UTS2: variants seen among roughly 807,000 people sequenced by gnomAD.
The protein encoded by UTS2 is urotensin-2.
In UTS2, 10 loss-of-function variants were observed where a neutral mutation model predicts 12.6. That is an observed-to-expected ratio of 0.80 (90% confidence interval 0.49 to 1.35). The LOEUF (loss-of-function observed/expected upper bound fraction) is 1.35, where lower values mean the gene tolerates loss of function less well. Ranked by LOEUF, UTS2 falls within the 40% of genes most tolerant of loss-of-function variation. The pLI is 0.00. For synonymous variants in UTS2, 52 were observed against 50.0 expected, an observed-to-expected ratio of 1.04 and a Z score of -0.17; for missense variants, 142 against 143.2, an observed-to-expected ratio of 0.99 and a Z score of 0.04.
chr1:7,887,076 A>T, the UTS2 span, among the ~76,000 whole-genome samples: 1 of 144,970 alleles, frequency 6.9e-6, no homozygotes, highest in Non-Finnish European at 1.5e-5. Flanking sequence ...AAAAAGGCTC[A>T]ATCTGGCCCT....
the UTS2 span, among the ~76,000 whole-genome samples, chr1:7,861,647 C>G: frequency 1.3e-5 from 2 of 152,178 alleles, no homozygotes; most frequent in East Asian, 3.9e-4. Flanking sequence ...TAGTGAGTGG[C>G]AGAGCCGAGC....
chr1:7,852,707 A>C (rs533218667), intron 1 of UTS2, among the ~76,000 whole-genome samples, 194 bp downstream of exon 1: 1 of 152,318 alleles, frequency 6.6e-6, no homozygotes, highest in South Asian at 2.1e-4. Flanking sequence ...TAGAGACAGA[A>C]AAAAAACTGT....
intron 3 of UTS2, 32 bp downstream of exon 3, chr1:7,849,608 T>C: frequency 6.3e-7 from 1 of 1,584,704 alleles, no homozygotes. Flanking sequence ...TGTTCACCTT[T>C]TTAAACCTAA....
At position 7,847,871 on chromosome 1, in the gene UTS2, G is replaced by T. The variant is rs141021422; in HGVS notation, c.270C>A (p.Phe90Leu). 406 of 1,607,122 alleles carry T rather than the reference G, an allele frequency of 2.5e-4. 1 individual carries two copies. The African/African-American group carries it at 5.1e-3, about 20-fold the overall frequency. The change falls in exon 4 of 4, where the codon TTC becomes TTA. Residue 90 changes from phenylalanine (F) to leucine (L), a missense_variant. By Grantham distance (22) the Phe-to-Leu change is conservative (BLOSUM62 0). Coordinates refer to ENST00000361696, the MANE Select transcript of UTS2 (RefSeq NM_006786.4). ...GTAAAATGTTAGGATCTTGTCCAGA[G>T]AAATCCTGAAACTAAAACAATCCAA... Reference protein sequence around the residue: ...PRGNLRKFQDFSGQDPNILLS... With the variant: ...PRGNLRKFQDLSGQDPNILLS...
the UTS2 span, among the ~76,000 whole-genome samples, chr1:7,908,295 TAA>T: frequency 0.096 from 10,301 of 107,724 alleles, 1,150 homozygotes; most frequent in East Asian, 0.54. Flanking sequence ...AGACTCCGTC[TAA>T]AAAAAAAAAA....
the UTS2 span, among the ~76,000 whole-genome samples, chr1:7,898,587 T>A: frequency 6.6e-6 from 1 of 151,886 alleles, no homozygotes; most frequent in East Asian, 1.9e-4. Flanking sequence ...GCCATTCTCC[T>A]GCCTCAGCCT....
the UTS2 span, among the ~76,000 whole-genome samples, chr1:7,907,354 A>G: frequency 1.3e-5 from 2 of 150,322 alleles, no homozygotes; most frequent in South Asian, 4.2e-4. Context: ...AGGTGTCAAG[A>G]AATCAGGTTA....
At position 7,849,667 on chromosome 1, in the gene UTS2, A is replaced by G. The variant is rs1316021882; in HGVS notation, c.231T>C (p.Ile77=). 6.2e-7 allele frequency: 1 copy of G among 1,610,694 alleles called. No individual in the cohort carries two copies. The highest frequency in any genetic ancestry group is 8.5e-7 in the Non-Finnish European group (1 of 1,179,346). Residue 77 remains isoleucine (I), a synonymous_variant, in exon 3 of 4, where the codon ATT becomes ATC. Transcript: ENST00000361696. ...ILRKADSSTN[I]FNPRGNLRKF... Reference sequence around the variant, plus strand: ...TTCTCAAATTTCCTCTTGGGTTAAAAATGTTGGTACTTGAGTCTGAAAAAC... The same window carrying G: ...TTCTCAAATTTCCTCTTGGGTTAAAGATGTTGGTACTTGAGTCTGAAAAAC...
the UTS2 span, among the ~76,000 whole-genome samples, chr1:7,890,285 CT>C: frequency 1.3e-5 from 2 of 152,092 alleles, no homozygotes; most frequent in Non-Finnish European, 2.9e-5. Flanking sequence ...CATTCTAAGC[CT>C]TTCTCTTGAC....
Position 7,850,850 on chromosome 1 carries a change from A to G in UTS2, c.176T>C (p.Met59Thr), listed in dbSNP as rs1305637318. 2 of 1,614,076 alleles carry G rather than the reference A, an allele frequency of 1.2e-6. No homozygotes were observed. Among genetic ancestry groups the G allele is most frequent in the African/African-American group, 1.3e-5 (1 of 74,922 alleles). ...RASLLQILPEMLGAERGDILR... is the reference protein window; with the variant it reads ...RASLLQILPETLGAERGDILR... ...AATATCCCCTCTTTCTGCACCCAGC[A>G]TCTCTGGCAGTATCTGTAGAAGGGA... Residue 59 changes from methionine (M) to threonine (T), a missense_variant, in exon 2 of 4, where the codon ATG becomes ACG. By Grantham distance (81) the Met-to-Thr change is moderately conservative. Transcript: ENST00000361696.
At chr1:7,899,160 C>T in the UTS2 span, among the ~76,000 whole-genome samples, 6 of 152,066 alleles carry the variant, frequency 3.9e-5, no homozygotes, top group African/African-American at 7.2e-5. Flanking sequence ...GAACAGCATC[C>T]GCCCCATGAC....
chr1:7,887,677 G>A, the UTS2 span, among the ~76,000 whole-genome samples: 4 of 150,054 alleles, frequency 2.7e-5, no homozygotes, highest in Admixed American at 2.0e-4. Flanking sequence ...GAGGTGGGAG[G>A]ATTGCTTGAG....
chr1:7,911,567 G>A, the UTS2 span, among the ~76,000 whole-genome samples: 3 of 152,090 alleles, frequency 2.0e-5, no homozygotes, highest in Admixed American at 6.6e-5. Context: ...TCCAAAGCCC[G>A]TGAAGTTAAC....
At chr1:7,904,903 CAAAAAAAA>C in the UTS2 span, among the ~76,000 whole-genome samples, 1 of 58,278 alleles carries the variant, frequency 1.7e-5, no homozygotes, top group African/African-American at 6.1e-5. Flanking sequence ...GACTCTGTCT[CAAAAAAAA>C]AAAAAAAAAA....
chr1:7,902,310 C>A, the UTS2 span, among the ~76,000 whole-genome samples: 1 of 152,126 alleles, frequency 6.6e-6, no homozygotes, highest in Non-Finnish European at 1.5e-5. Context: ...GGGCTCTGGG[C>A]AGATTGCCTG....
At chr1:7,876,564 C>T in the UTS2 span, among the ~76,000 whole-genome samples, 1 of 152,122 alleles carries the variant, frequency 6.6e-6, no homozygotes, top group Non-Finnish European at 1.5e-5. Context: ...ACCTGGAGAC[C>T]CAAAGATTGT....
chr1:7,910,274 C>G, the UTS2 span, among the ~76,000 whole-genome samples: 2 of 151,922 alleles, frequency 1.3e-5, no homozygotes, highest in Admixed American at 6.6e-5. Flanking sequence ...TCTAACTCCC[C>G]CTGCCCGCCC....
the UTS2 span, among the ~76,000 whole-genome samples, chr1:7,908,815 T>C: frequency 6.6e-6 from 1 of 151,940 alleles, no homozygotes; most frequent in African/African-American, 2.4e-5. Flanking sequence ...ACAATTTTTT[T>C]TTTTTTTTTG....
chr1:7,860,557 CT>C, the UTS2 span, among the ~76,000 whole-genome samples: 2 of 152,040 alleles, frequency 1.3e-5, no homozygotes, highest in Non-Finnish European at 2.9e-5. Context: ...ACAATCTAAA[CT>C]GTGTTTTATT....
Sources: gnomAD v4.1 joint callset for allele counts (sites outside exome capture counted in the v4.1 genomes callset) on GRCh38, gnomAD v4.1.1 for gene constraint, MANE v1.5 for transcripts, NCBI Gene and HGNC (gene_info 2026-07-23, HGNC 2026-07-21) for gene names.